FAM91A1: variants seen among roughly 807,000 people sequenced by gnomAD.
FAM91A1 encodes protein FAM91A1.
FAM91A1 carries 41 observed loss-of-function variants against 113.5 expected under a neutral mutation model. The observed-to-expected ratio is 0.36, with a 90% confidence interval of 0.28 to 0.47. FAM91A1 has a LOEUF of 0.47. Ranked by LOEUF, FAM91A1 falls within the 20% of genes least tolerant of loss-of-function variation. The probability of loss-of-function intolerance (pLI) is 1.00; values close to 1 mark genes in which losing one functional copy is unlikely to be tolerated. For missense variants in FAM91A1, 696 were observed against 1,001.2 expected (o/e 0.70, Z 4.11); for synonymous variants, 307 against 347.9 (o/e 0.88, Z 1.31).
intron 18 of FAM91A1, among the ~76,000 whole-genome samples, chr8:123,802,611 T>C (rs896156426): frequency 6.6e-6 from 1 of 152,110 alleles, no homozygotes; most frequent in African/African-American, 2.4e-5. Flanking sequence ...AAATGAGAGG[T>C]TAGACAAGAG....
chr8:123,806,042 G>C (rs1815794105), intron 19 of FAM91A1, 38 bp from the exon 20 acceptor site: 2 of 1,490,790 alleles, frequency 1.3e-6, no homozygotes, highest in Admixed American at 2.1e-5. Flanking sequence ...TGTGTTATTA[G>C]AAACTGTTCA....
At chr8:123,810,647 C>T (rs763459049) in intron 23 of FAM91A1, 27 of 428,934 alleles carry the variant, frequency 6.3e-5, no homozygotes, top group South Asian at 2.6e-4. Context: ...TTGGTTATAG[C>T]GCACTTCCCA....
intron 9 of FAM91A1, 132 bp from the exon 10 acceptor site, chr8:123,784,949 C>A: frequency 1.7e-6 from 1 of 605,482 alleles, no homozygotes; most frequent in Non-Finnish European, 2.7e-6. Flanking sequence ...GTTCTGAATT[C>A]AAAATTTATT....
chr8:123,809,936 T>A (rs536991012), intron 22 of FAM91A1, among the ~76,000 whole-genome samples: 4 of 152,344 alleles, frequency 2.6e-5, no homozygotes, highest in Admixed American at 2.0e-4. Context: ...TGTTTAAAGG[T>A]TGTGTCATAG....
chr8:123,811,128 G>C (rs1815943555), intron 23 of FAM91A1: 1 of 152,234 alleles, frequency 6.6e-6, no homozygotes, highest in Admixed American at 6.5e-5. Flanking sequence ...AGAATATTCC[G>C]GCAGAGCTTA....
chr8:123,771,627 C>G (rs1156356061), intron 1 of FAM91A1, among the ~76,000 whole-genome samples: 1 of 152,134 alleles, frequency 6.6e-6, no homozygotes, highest in Non-Finnish European at 1.5e-5. Context: ...TAGTTTACCA[C>G]TATCTTGTAT....
chr8:123,808,920 C>T lies in FAM91A1; in HGVS notation c.2165C>T (p.Pro722Leu). ...GCCACAACAGAAGCAGATTGGGTTC[C>T]TCTCGAGCTGTGCTTTGGAATTCCA... ...SGATTEADWV[P>L]LELCFGIPLF... is the part of the protein sequence containing the mutation. Residue 722 changes from proline (P) to leucine (L), a missense_variant, in exon 22 of 24, where the codon CCT (proline) becomes CTT (leucine). Pro to Leu is a moderately conservative substitution (Grantham distance 98). Transcript: ENST00000334705. The T allele has an allele frequency of 6.2e-7, 1 of 1,611,390 alleles. No homozygotes were observed. Among genetic ancestry groups the T allele is most frequent in the Non-Finnish European group, 8.5e-7 (1 of 1,178,934 alleles).
chr8:123,784,976 C>T, intron 9 of FAM91A1, 105 bp from the exon 10 acceptor site: 1 of 755,400 alleles, frequency 1.3e-6, no homozygotes, highest in Non-Finnish European at 2.1e-6. Flanking sequence ...TCTAATTATT[C>T]ATAACTTAAA....
chr8:123,807,164 C>G (rs749411906), intron 20 of FAM91A1, among the ~76,000 whole-genome samples: 2 of 152,174 alleles, frequency 1.3e-5, no homozygotes, highest in African/African-American at 2.4e-5. Flanking sequence ...TAGGTACTTA[C>G]TCCTATCTCA....
At chr8:123,768,966 G>A (rs1814774232) in intron 1 of FAM91A1, among the ~76,000 whole-genome samples, 192 bp downstream of exon 1, 1 of 152,224 alleles carries the variant, frequency 6.6e-6, no homozygotes, top group Admixed American at 6.5e-5. Context: ...GGGCCAGGAC[G>A]GGGCGATCGC....
intron 18 of FAM91A1, among the ~76,000 whole-genome samples, 153 bp downstream of exon 18, chr8:123,800,038 T>C (rs1037004260): frequency 1.2e-4 from 18 of 152,174 alleles, no homozygotes; most frequent in African/African-American, 4.1e-4. Context: ...TCCTGGCCGT[T>C]TGGCAGTGTG....
At chr8:123,789,858 G>A (rs947015104) in intron 15 of FAM91A1, 113 bp downstream of exon 15, 4 of 1,260,534 alleles carry the variant, frequency 3.2e-6, no homozygotes, top group South Asian at 1.6e-5. Context: ...TGTGTAGATA[G>A]CATATTGAAT....
intron 11 of FAM91A1, chr8:123,786,201 C>CT: frequency 3.0e-6 from 1 of 330,562 alleles, no homozygotes; most frequent in Non-Finnish European, 5.6e-6. Context: ...TGTTACAGAT[C>CT]TTTTTTGGAA....
rs759476621 is a variant in FAM91A1 at position 123,778,744 on chromosome 8, C to G, written c.521C>G (p.Ala174Gly). 6.3e-7 allele frequency: 1 copy of G among 1,586,116 alleles called. No homozygotes were observed. Among genetic ancestry groups the G allele is most frequent in the Admixed American group, 1.7e-5 (1 of 57,370 alleles). ...ATAGAGGCGTGGTGGGTGGTGCAGG[C>G]TGGCTATATCACAGAAGATGACATC... ...IAIEAWWVVQ[A>G]GYITEDDIKI... Residue 174 changes from alanine to glycine, a missense_variant, in exon 6 of 24, where the codon GCT becomes GGT. Physicochemically the swap from Ala to Gly is moderately conservative, Grantham distance 60. Coordinates refer to ENST00000334705, the MANE Select transcript of FAM91A1 (RefSeq NM_144963.4).
intron 2 of FAM91A1, among the ~76,000 whole-genome samples, chr8:123,774,535 A>G (rs1814932406): frequency 6.6e-6 from 1 of 152,088 alleles, no homozygotes; most frequent in Non-Finnish European, 1.5e-5. Flanking sequence ...GAAAAACTTT[A>G]TAATAATTGG....
intron 1 of FAM91A1, among the ~76,000 whole-genome samples, chr8:123,770,445 A>G (rs578145065): frequency 6.6e-6 from 1 of 152,326 alleles, no homozygotes; most frequent in Admixed American, 6.5e-5. Context: ...CCCGTGTGGC[A>G]TTTATCTTAA....
intron 2 of FAM91A1, among the ~76,000 whole-genome samples, chr8:123,774,794 T>C (rs1054695664): frequency 6.6e-6 from 1 of 152,176 alleles, no homozygotes; most frequent in African/African-American, 2.4e-5. Flanking sequence ...AAAAATAGAC[T>C]TGACTTCATT....
At chr8:123,780,873 A>G (rs1815103347) in intron 8 of FAM91A1, among the ~76,000 whole-genome samples, 1 of 152,124 alleles carries the variant, frequency 6.6e-6, no homozygotes, top group Admixed American at 6.5e-5. Context: ...ATAGAATTGT[A>G]TGTTCTCATT....
chr8:123,787,502 T>C (rs1815288130), intron 13 of FAM91A1, 129 bp downstream of exon 13: 1 of 989,904 alleles, frequency 1.0e-6, no homozygotes, highest in African/African-American at 1.6e-5. Flanking sequence ...TAGAGGAGTA[T>C]AATAACTTTC....
Sources: gnomAD v4.1 joint callset for allele counts (sites outside exome capture counted in the v4.1 genomes callset) on GRCh38, gnomAD v4.1.1 for gene constraint, MANE v1.5 for transcripts, NCBI Gene and HGNC (gene_info 2026-07-23, HGNC 2026-07-21) for gene names.